Variants in COPS3 observed in about 807,000 individuals in gnomAD.
COPS3 encodes COP9 signalosome subunit 3.
In COPS3, 10 loss-of-function variants were observed where a neutral mutation model predicts 58.2. The ratio of observed to expected loss-of-function variants is 0.17; its 90% CI spans 0.11 to 0.29. COPS3 has a LOEUF of 0.29. Among genes scored for constraint, COPS3 ranks in the 10% least tolerant of loss-of-function variants. The probability of loss-of-function intolerance (pLI) is 1.00; values close to 1 mark genes in which losing one functional copy is unlikely to be tolerated. For missense variants in COPS3, 333 were observed against 510.1 expected (o/e 0.65, Z 3.34); for synonymous variants, 187 against 181.7 (o/e 1.03, Z -0.24).
chr17:17,271,435 CAAAT>C (rs1183127085), intron 2 of COPS3, among the ~76,000 whole-genome samples: 5 of 150,512 alleles, frequency 3.3e-5, no homozygotes, highest in South Asian at 2.1e-4. Flanking sequence ...TCTCAAAAAA[CAAAT>C]AAATAAGAAC....
intron 6 of COPS3, among the ~76,000 whole-genome samples, chr17:17,262,809 C>T (rs868640338): frequency 5.3e-5 from 8 of 152,132 alleles, no homozygotes; most frequent in African/African-American, 1.9e-4. Flanking sequence ...CTATGTTGTT[C>T]AGTCTTGTAC....
intron 4 of COPS3, among the ~76,000 whole-genome samples, chr17:17,269,460 G>C (rs1270387630): frequency 6.6e-6 from 1 of 152,064 alleles, no homozygotes; most frequent in Non-Finnish European, 1.5e-5. Context: ...GCTGGGAAAG[G>C]TGACATGCGC....
chr17:17,262,828 T>G (rs1268225988), intron 6 of COPS3, among the ~76,000 whole-genome samples: 1 of 152,100 alleles, frequency 6.6e-6, no homozygotes, highest in African/African-American at 2.4e-5. Flanking sequence ...ACTCCTGAGC[T>G]CAAGCAATGC....
chr17:17,252,483 T>A (rs1341529706), intron 9 of COPS3, among the ~76,000 whole-genome samples: 1 of 152,144 alleles, frequency 6.6e-6, no homozygotes, highest in Non-Finnish European at 1.5e-5. Context: ...CTGCAGGACG[T>A]TTAGCAGCAT....
At chr17:17,254,000 T>G (rs770414452) in intron 9 of COPS3, among the ~76,000 whole-genome samples, 18 of 137,590 alleles carry the variant, frequency 1.3e-4, no homozygotes, top group Admixed American at 5.1e-4. Flanking sequence ...CAAAATAAAA[T>G]AAAAGAAAAT....
chr17:17,277,163 T>A (rs1196508115), intron 1 of COPS3, among the ~76,000 whole-genome samples: 1 of 152,148 alleles, frequency 6.6e-6, no homozygotes, highest in Non-Finnish European at 1.5e-5. Flanking sequence ...CTGAGCCTCA[T>A]CCAGCATTCA....
intron 5 of COPS3, among the ~76,000 whole-genome samples, chr17:17,265,822 G>A (rs1438472642): frequency 6.6e-6 from 1 of 152,180 alleles, no homozygotes; most frequent in Non-Finnish European, 1.5e-5. Context: ...TCTGATTAGA[G>A]GGAAAAAGAG....
At chr17:17,255,346 C>A (rs1214001204) in intron 8 of COPS3, among the ~76,000 whole-genome samples, 2 of 150,924 alleles carry the variant, frequency 1.3e-5, no homozygotes, top group African/African-American at 4.9e-5. Context: ...GGCGTGGTGG[C>A]ATGCGTCTGT....
chr17:17,253,338 G>A (rs767514009), intron 9 of COPS3, among the ~76,000 whole-genome samples: 1 of 152,204 alleles, frequency 6.6e-6, no homozygotes. Context: ...ACTAAAACCA[G>A]ATCAGAACTA....
chr17:17,246,957 C>G lies in COPS3; in HGVS notation c.*141G>C. The G allele has an allele frequency of 1.4e-6, 1 of 732,886 alleles. No individual in the cohort carries two copies. Among genetic ancestry groups the G allele is most frequent in the Admixed American group, 2.2e-5 (1 of 46,462 alleles). 45.4% of individuals were successfully genotyped at this position (732,886 alleles called of 1,614,324 possible). On this transcript the variant is annotated 3_prime_UTR_variant, in exon 12 of 12. Transcript: ENST00000268717. The stretch of plus-strand genomic sequence containing the variant: ...CAGAGAAAATGGTTTTCTGAAAGCA[C>G]ACAGGACTGAAGATGTCAAAACAAA...
chr17:17,276,160 T>C lies in COPS3; in HGVS notation c.60A>G (p.Gln20=). 9 of 1,613,782 alleles carry C rather than the reference T, an allele frequency of 5.6e-6. No individual in the cohort carries two copies. Among genetic ancestry groups the C allele is most frequent in the Non-Finnish European group, 7.6e-6 (9 of 1,179,790 alleles). The change falls in exon 2 of 12, where the codon CAA becomes CAG. Residue 20 remains glutamine, a synonymous_variant. Coordinates refer to ENST00000268717, the MANE Select transcript of COPS3 (RefSeq NM_003653.4). ...NSVRQLSAQG[Q]MTQLCELINK... ...TGATCAGTTCACAAAGCTGTGTCAT[T>C]TGCCCTGGAAAACAGGAACAACACT...
At chr17:17,268,052 A>C in intron 4 of COPS3, 75 bp from the exon 5 acceptor site, 1 of 1,539,526 alleles carries the variant, frequency 6.5e-7, no homozygotes, top group South Asian at 1.2e-5. Context: ...GTCACTTATA[A>C]ATAAAAAATA....
At chr17:17,271,529 A>G (rs904462707) in intron 2 of COPS3, among the ~76,000 whole-genome samples, 1 of 148,906 alleles carries the variant, frequency 6.7e-6, no homozygotes, top group African/African-American at 2.4e-5. Flanking sequence ...GTTAAGAAAA[A>G]TATGTTTAGG....
chr17:17,256,351 AAATAT>A (rs1378354575), intron 8 of COPS3, among the ~76,000 whole-genome samples: 1 of 152,154 alleles, frequency 6.6e-6, no homozygotes, highest in African/African-American at 2.4e-5. Flanking sequence ...ATAATCTATT[AAATAT>A]AATTGAAAAA....
intron 6 of COPS3, among the ~76,000 whole-genome samples, chr17:17,263,229 G>A (rs62066065): frequency 0.68 from 101,016 of 148,814 alleles, 34,507 homozygotes; most frequent in East Asian, 0.85. Flanking sequence ...CGGAGCTTGC[G>A]GTGAGCCGAG....
chr17:17,257,223 G>A (rs1414093043), intron 8 of COPS3, among the ~76,000 whole-genome samples: 1 of 152,028 alleles, frequency 6.6e-6, no homozygotes, highest in African/African-American at 2.4e-5. Context: ...AATTAGCCAG[G>A]TGTGGTGGTG....
chr17:17,247,364 C>T lies in COPS3; in HGVS notation c.1218+116G>A, dbSNP rs1404965992. On this transcript the variant is annotated intron_variant, in intron 11 of 11. Transcript: ENST00000268717. Reference sequence around the variant, plus strand: ...CAACTAGTATTTCTCCATGACCGTACTGGTAAGGTTTTCAAGAAATATTTA... The same window carrying T: ...CAACTAGTATTTCTCCATGACCGTATTGGTAAGGTTTTCAAGAAATATTTA... The T allele has an allele frequency of 5.7e-6, 6 of 1,052,102 alleles. No individual in the cohort carries two copies. The Admixed American group carries it at 1.1e-4, about 19-fold the overall frequency. 65.2% of individuals were successfully genotyped at this position (1,052,102 alleles called of 1,614,324 possible).
intron 1 of COPS3, among the ~76,000 whole-genome samples, chr17:17,278,027 G>C (rs1205431278): frequency 6.6e-6 from 1 of 152,216 alleles, no homozygotes; most frequent in African/African-American, 2.4e-5. Flanking sequence ...CCAGCTACTC[G>C]GGAGGCTGAG....
chr17:17,261,903 T>C (rs191538354), intron 7 of COPS3, 63 bp downstream of exon 7: 155 of 1,416,022 alleles, frequency 1.1e-4, no homozygotes, highest in Non-Finnish European at 1.4e-4. Context: ...AACTGTATCA[T>C]TGCAATTTCT....
Sources: allele counts gnomAD v4.1 joint callset (sites outside exome capture counted in the v4.1 genomes callset), GRCh38; gene constraint gnomAD v4.1.1; transcripts MANE v1.5; gene names NCBI Gene and HGNC (gene_info 2026-07-23, HGNC 2026-07-21).